Variants in NIN observed in about 807,000 individuals in gnomAD.
NIN encodes ninein.
Under a neutral mutation model 257.6 loss-of-function variants are expected in NIN, and 137 were observed. The ratio of observed to expected loss-of-function variants is 0.53; its 90% confidence interval spans 0.46 to 0.61. NIN has a LOEUF of 0.61. NIN is among the 20% of genes least tolerant of loss of function. The probability of loss-of-function intolerance (pLI) is 0.00; values close to 1 mark genes in which losing one functional copy is unlikely to be tolerated. For missense variants in NIN, 2,439 were observed against 2,501.2 expected (o/e 0.98, Z 0.53); for synonymous variants, 918 against 919.8 (o/e 1.00, Z 0.04).
intron 7 of NIN, among the ~76,000 whole-genome samples, chr14:50,774,855 G>A (rs779713613): frequency 4.6e-5 from 7 of 152,176 alleles, no homozygotes; most frequent in African/African-American, 7.2e-5. Flanking sequence ...AGACGGGGCC[G>A]GGGCTAGGCA....
Position 50,801,205 on chromosome 14 carries a change from C to T in NIN, c.265+5532G>A, listed in dbSNP as rs565769554. Among the ~76,000 whole-genome samples the T allele has an allele frequency of 4.6e-5, 7 of 151,532 alleles. No individual in the cohort carries two copies. The South Asian group carries it at 1.5e-3, about 32-fold the overall frequency. ...TTCCAGGTTCAAGCGATTCTCCTGCCTCAGCCTCCCGAGTAGCTGGGATTA... is the reference window on the plus strand; with the variant it reads ...TTCCAGGTTCAAGCGATTCTCCTGCTTCAGCCTCCCGAGTAGCTGGGATTA... On this transcript the variant is annotated intron_variant, in intron 4 of 30. Coordinates refer to ENST00000530997, the MANE Select transcript of NIN (RefSeq NM_020921.4).
At chr14:50,816,520 G>A (rs1390259043) in intron 3 of NIN, among the ~76,000 whole-genome samples, 1 of 152,174 alleles carries the variant, frequency 6.6e-6, no homozygotes, top group South Asian at 2.1e-4. Context: ...CATATTTGGA[G>A]TTTGAGGAAA....
intron 3 of NIN, among the ~76,000 whole-genome samples, chr14:50,813,239 G>T (rs1025109150): frequency 5.3e-5 from 8 of 152,186 alleles, no homozygotes; most frequent in Non-Finnish European, 1.2e-4. Context: ...TTGTTAAAAA[G>T]TAGAAATCTT....
chr14:50,825,741 C>T (rs1276063495), intron 2 of NIN, among the ~76,000 whole-genome samples: 1 of 152,228 alleles, frequency 6.6e-6, no homozygotes, highest in African/African-American at 2.4e-5. Context: ...TGGCAAACCA[C>T]TTATCTCCAC....
At chr14:50,759,654 C>T (rs1395813779) in intron 17 of NIN, among the ~76,000 whole-genome samples, 10 of 152,234 alleles carry the variant, frequency 6.6e-5, no homozygotes, top group South Asian at 2.1e-4. Context: ...CCACCACGCC[C>T]GGCTAATTTT....
chr14:50,727,460 G>A, intron 29 of NIN: 2 of 1,176,268 alleles, frequency 1.7e-6, no homozygotes, highest in South Asian at 2.0e-5. Flanking sequence ...AAAATGATTT[G>A]TAACAAGCTG....
intron 20 of NIN, among the ~76,000 whole-genome samples, 160 bp downstream of exon 20, chr14:50,754,403 G>A (rs1298761940): frequency 6.6e-6 from 1 of 152,104 alleles, no homozygotes; most frequent in African/African-American, 2.4e-5. Context: ...CTAGTTTAGA[G>A]TCAGTATGAG....
chr14:50,806,040 T>C (rs1393648831), intron 4 of NIN: 9 of 152,346 alleles, frequency 5.9e-5, no homozygotes, highest in African/African-American at 1.9e-4. Flanking sequence ...TTAGACACTC[T>C]GAAATGAGAA....
intron 7 of NIN, among the ~76,000 whole-genome samples, chr14:50,773,992 A>G (rs929569810): frequency 2.0e-5 from 3 of 152,222 alleles, no homozygotes; most frequent in African/African-American, 7.2e-5. Context: ...TTCTGGGGTT[A>G]AAATGTTTCT....
chr14:50,759,906 A>G lies in NIN; in HGVS notation c.2350T>C (p.Leu784=), dbSNP rs1282757480. 6.2e-7 allele frequency: 1 copy of G among 1,613,094 alleles called. No homozygotes were observed. The highest frequency in any genetic ancestry group is 8.5e-7 in the Non-Finnish European group (1 of 1,179,752). The change falls in exon 17 of 31, where the codon TTA becomes CTA. Residue 784 remains leucine (L), a synonymous_variant. Coordinates refer to ENST00000530997, the MANE Select transcript of NIN (RefSeq NM_020921.4). ...VEKHTLEKEE[L]RKELLEKHQR... The stretch of plus-strand genomic sequence containing the variant: ...TGCTTTTCCAAGAGCTCTTTTCTTA[A>G]CTCCTCTTTCTCAAGAGTGTGTTTC...
intron 18 of NIN, among the ~76,000 whole-genome samples, chr14:50,755,977 T>G (rs775174614): frequency 1.3e-5 from 2 of 152,186 alleles, no homozygotes; most frequent in African/African-American, 4.8e-5. Context: ...CCATTTGCAC[T>G]GTTTATGGGT....
intron 14 of NIN, among the ~76,000 whole-genome samples, chr14:50,765,488 A>G (rs553751838): frequency 8.5e-5 from 13 of 152,178 alleles, no homozygotes; most frequent in Non-Finnish European, 1.8e-4. Context: ...GCACAATTAA[A>G]CTTTTTATCT....
intron 4 of NIN, among the ~76,000 whole-genome samples, chr14:50,799,284 G>A (rs1377777739): frequency 1.3e-5 from 2 of 152,168 alleles, no homozygotes; most frequent in Non-Finnish European, 2.9e-5. Flanking sequence ...ATGGAGTAAG[G>A]TCAACATCAG....
At chr14:50,827,469 T>C (rs1306704697) in intron 2 of NIN, among the ~76,000 whole-genome samples, 2 of 151,990 alleles carry the variant, frequency 1.3e-5, no homozygotes, top group Admixed American at 6.6e-5. Context: ...AAAAAATGGC[T>C]GGGAGCGGGG....
Position 50,739,377 on chromosome 14 carries a change from C to A in NIN, c.5559G>T (p.Trp1853Cys). ...HLMNEEQQLL[W>C]QENERLQTMV... ...TGGTCTGGAGCCTCTCATTCTCTTG[C>A]CAAAGCAGCTGCTGTTCCTCATTCA... Residue 1853 changes from tryptophan to cysteine, a missense_variant, in exon 26 of 31, where the codon TGG (tryptophan) becomes TGT (cysteine). By Grantham distance (215) the Trp-to-Cys change is radical. This residue lies in a region of NIN where 2,043 missense variants were observed against 2,050.2 expected (regional missense o/e 1.00). Coordinates refer to ENST00000530997, the MANE Select transcript of NIN (RefSeq NM_020921.4). The A allele has an allele frequency of 1.9e-6, 3 of 1,614,214 alleles. No individual in the cohort carries two copies. The highest frequency in any genetic ancestry group is 2.5e-6 in the Non-Finnish European group (3 of 1,180,034).
Position 50,756,723 on chromosome 14 carries a change from G to C in NIN, c.4307C>G (p.Thr1436Ser), listed in dbSNP as rs1024049796. The C allele has an allele frequency of 6.4e-7, 1 of 1,551,550 alleles. No homozygotes were observed. The highest frequency in any genetic ancestry group is 8.7e-7 in the Non-Finnish European group (1 of 1,147,016). The change falls in exon 18 of 31, where the codon ACT becomes AGT. Residue 1436 changes from threonine to serine, a missense_variant. Coordinates refer to ENST00000530997, the MANE Select transcript of NIN (RefSeq NM_020921.4). ...ATGTTTGTCTTGAAAGCCTAGGAGA[G>C]TAGTGTTTTCCTCCAGTATAACTTG... is the stretch of plus-strand genomic sequence containing the variant. The part of the protein sequence containing the change: ...QNQVILEENT[T>S]LLGFQDKHFQ...
At chr14:50,814,039 G>C (rs1299435039) in intron 3 of NIN, among the ~76,000 whole-genome samples, 1 of 152,000 alleles carries the variant, frequency 6.6e-6, no homozygotes, top group Non-Finnish European at 1.5e-5. Context: ...TTTAAATAAA[G>C]TATTCAGGTC....
In NIN at chr14:50,791,807, G is replaced by GCACACACAAACACACACACA. The variant is rs57083345; in HGVS notation, c.435+904_435+905insTGTGTGTGTGTTTGTGTGTG. On this transcript the variant is annotated intron_variant, in intron 5 of 30. Transcript: ENST00000530997. ...CCACAATGAACACACAGGTGCACGC[G>GCACACACAAACACACACACA]CACACACACACACACACACACACAC... is the stretch of plus-strand genomic sequence containing the variant. Among the ~76,000 whole-genome samples, 866 of 116,746 alleles carry GCACACACAAACACACACACA rather than the reference G, an allele frequency of 7.4e-3. 6 individuals carry two copies. The highest frequency in any genetic ancestry group is 0.021 in the African/African-American group (490 of 23,078). The allele number at this position is 116,746 out of a possible 152,430, so 76.6% of individuals were successfully genotyped here. A position where few individuals can be genotyped will look rare whatever the true frequency, so the allele number is the denominator to read the frequency against.
intron 3 of NIN, among the ~76,000 whole-genome samples, chr14:50,820,322 A>G (rs2045143867): frequency 6.6e-6 from 1 of 152,244 alleles, no homozygotes; most frequent in African/African-American, 2.4e-5. Context: ...AAAGATGTGC[A>G]ACATCTGGAG....
Sources: gnomAD v4.1 joint callset for allele counts (sites outside exome capture counted in the v4.1 genomes callset) on GRCh38, gnomAD v4.1.1 for gene constraint, gnomAD v4.1.1 regional missense constraint, MANE v1.5 for transcripts, NCBI Gene and HGNC (gene_info 2026-07-23, HGNC 2026-07-21) for gene names.